Variants in GHR observed in about 807,000 individuals in gnomAD.
GHR encodes growth hormone receptor.
In GHR, 35 loss-of-function variants were observed where a neutral mutation model predicts 67.1. The observed-to-expected ratio is 0.52, with a 90% confidence interval of 0.40 to 0.69. The LOEUF (loss-of-function observed/expected upper bound fraction) is 0.69. GHR is among the 30% of genes least tolerant of loss of function. The probability of loss-of-function intolerance (pLI) is 0.00; values close to 1 mark genes in which losing one functional copy is unlikely to be tolerated. For missense variants in GHR, 792 were observed against 764.6 expected (o/e 1.04, Z -0.42); for synonymous variants, 272 against 269.1 (o/e 1.01, Z -0.10).
intron 1 of GHR, among the ~76,000 whole-genome samples, chr5:42,477,282 T>G (rs1401475119): frequency 6.6e-6 from 1 of 152,166 alleles, no homozygotes; most frequent in Non-Finnish European, 1.5e-5. Context: ...AGTCTATCAT[T>G]GTTGGACATT....
intron 2 of GHR, among the ~76,000 whole-genome samples, chr5:42,604,744 ATTAT>A (rs1752542524): frequency 1.4e-5 from 2 of 147,036 alleles, no homozygotes; most frequent in African/African-American, 5.0e-5. Flanking sequence ...TACTTACTGT[ATTAT>A]TTATTTCCAT....
intron 3 of GHR, among the ~76,000 whole-genome samples, chr5:42,667,645 G>C (rs537424903): frequency 6.6e-6 from 1 of 152,296 alleles, no homozygotes; most frequent in East Asian, 1.9e-4. Context: ...CAATTAGAAG[G>C]AGGCCTTAGC....
Position 42,718,497 on chromosome 5 carries a change from T to G in GHR, c.990T>G (p.Asp330Glu). Residue 330 changes from aspartate (D) to glutamate (E), a missense_variant, in exon 10 of 10, where the codon GAT becomes GAG. Transcript: ENST00000230882. ...TGAACACAATCTTAGCCATTCATGATAGCTATAAACCCGAATTCCACAGTG... is the reference window on the plus strand; with the variant it reads ...TGAACACAATCTTAGCCATTCATGAGAGCTATAAACCCGAATTCCACAGTG... ...EEVNTILAIH[D>E]SYKPEFHSDD... 1.2e-6 allele frequency: 2 copies of G among 1,612,354 alleles called. No homozygotes were observed. Among genetic ancestry groups the G allele is most frequent in the Non-Finnish European group, 8.5e-7 (1 of 1,178,396 alleles).
At chr5:42,645,681 T>C (rs1419227965) in intron 3 of GHR, among the ~76,000 whole-genome samples, 1 of 152,248 alleles carries the variant, frequency 6.6e-6, no homozygotes, top group Non-Finnish European at 1.5e-5. Context: ...TCTCTCTGCC[T>C]ACTTCTGCTC....
intron 3 of GHR, among the ~76,000 whole-genome samples, chr5:42,667,714 G>T (rs1488048926): frequency 1.3e-5 from 2 of 152,160 alleles, no homozygotes; most frequent in Admixed American, 1.3e-4. Context: ...CAGATAGCTT[G>T]GGATTTGTTA....
chr5:42,452,841 C>A (rs1744108759), intron 1 of GHR, among the ~76,000 whole-genome samples: 1 of 151,690 alleles, frequency 6.6e-6, no homozygotes, highest in Non-Finnish European at 1.5e-5. Flanking sequence ...TTGCCTTTTT[C>A]TGGTAACTCC....
intron 1 of GHR, among the ~76,000 whole-genome samples, chr5:42,446,980 T>C (rs1038950385): frequency 1.3e-5 from 2 of 152,168 alleles, no homozygotes; most frequent in African/African-American, 4.8e-5. Context: ...GTGGTGGTGA[T>C]GAGATTGACA....
Position 42,626,211 on chromosome 5 carries a change from T to C in GHR, c.71-2827T>C, listed in dbSNP as rs191583586. Among the ~76,000 whole-genome samples the C allele has an allele frequency of 2.0e-5, 3 of 152,288 alleles. No individual in the cohort carries two copies. The East Asian group carries it at 5.8e-4, about 29-fold the overall frequency. On this transcript the variant is annotated intron_variant, in intron 2 of 9. Coordinates refer to ENST00000230882, the MANE Select transcript of GHR (RefSeq NM_000163.5). ...GACAATCTACCTATCTACCTGGAAA[T>C]AGCATCAGATAACCACAGGTTTACG...
At chr5:42,432,667 C>T (rs1229363981) in intron 1 of GHR, among the ~76,000 whole-genome samples, 1 of 152,034 alleles carries the variant, frequency 6.6e-6, no homozygotes, top group Non-Finnish European at 1.5e-5. Context: ...GCTTCTTCCC[C>T]TGGGGATAGA....
At chr5:42,463,597 A>C (rs1744579714) in intron 1 of GHR, among the ~76,000 whole-genome samples, 3 of 152,202 alleles carry the variant, frequency 2.0e-5, no homozygotes, top group Admixed American at 2.0e-4. Context: ...AAATAAAGGG[A>C]GTGGTAGTGG....
intron 1 of GHR, among the ~76,000 whole-genome samples, chr5:42,506,579 C>T (rs925940008): frequency 5.9e-5 from 9 of 152,126 alleles, no homozygotes; most frequent in African/African-American, 2.2e-4. Flanking sequence ...GATAGATTCA[C>T]TATTTGTTAA....
intron 1 of GHR, among the ~76,000 whole-genome samples, chr5:42,496,947 AAG>A (rs1268985804): frequency 6.6e-6 from 1 of 152,188 alleles, no homozygotes; most frequent in Non-Finnish European, 1.5e-5. Context: ...GCATGTGAAT[AAG>A]AGAAAGCAAA....
At chr5:42,486,566 G>GGC (rs999203361) in intron 1 of GHR, among the ~76,000 whole-genome samples, 1 of 152,204 alleles carries the variant, frequency 6.6e-6, no homozygotes, top group Non-Finnish European at 1.5e-5. Flanking sequence ...AACCAAGTTT[G>GGC]GCCGGGCACG....
chr5:42,564,938 A>G (rs535383060), intron 1 of GHR, among the ~76,000 whole-genome samples: 1 of 152,376 alleles, frequency 6.6e-6, no homozygotes, highest in East Asian at 1.9e-4. Flanking sequence ...ACAGCTCTAC[A>G]AAAGGCAATA....
intron 1 of GHR, among the ~76,000 whole-genome samples, chr5:42,534,680 G>C (rs1748176880): frequency 6.6e-6 from 1 of 151,968 alleles, no homozygotes; most frequent in African/African-American, 2.4e-5. Flanking sequence ...ATACCCAGTA[G>C]TGAGATTGCT....
At chr5:42,428,662 G>C (rs1183496047) in intron 1 of GHR, among the ~76,000 whole-genome samples, 1 of 152,070 alleles carries the variant, frequency 6.6e-6, no homozygotes, top group Non-Finnish European at 1.5e-5. Context: ...TCTCTCTCAA[G>C]TTTAAAGTTC....
chr5:42,476,621 G>A (rs973747868), intron 1 of GHR, among the ~76,000 whole-genome samples: 1 of 152,178 alleles, frequency 6.6e-6, no homozygotes, highest in Non-Finnish European at 1.5e-5. Context: ...GAAATTGTTG[G>A]AAAATGATTC....
chr5:42,602,383 C>T (rs531600140), intron 2 of GHR, among the ~76,000 whole-genome samples: 4 of 152,036 alleles, frequency 2.6e-5, no homozygotes, highest in Admixed American at 2.0e-4. Flanking sequence ...CCATCACTTA[C>T]CTTTTACTGT....
intron 1 of GHR, among the ~76,000 whole-genome samples, chr5:42,540,207 C>CTCTCTG (rs1279940089): frequency 6.6e-6 from 1 of 151,880 alleles, no homozygotes; most frequent in Non-Finnish European, 1.5e-5. Flanking sequence ...CTCTCTCTCT[C>CTCTCTG]TCTCTCTCTC....
Sources: allele counts gnomAD v4.1 joint callset (sites outside exome capture counted in the v4.1 genomes callset), GRCh38; gene constraint gnomAD v4.1.1; transcripts MANE v1.5; gene names NCBI Gene and HGNC (gene_info 2026-07-23, HGNC 2026-07-21).